MTG1: variants seen among roughly 807,000 people sequenced by gnomAD.
The protein encoded by MTG1 is mitochondrial ribosome associated GTPase 1.
MTG1 carries 30 observed loss-of-function variants against 39.5 expected under a neutral mutation model. The ratio of observed to expected loss-of-function variants is 0.76; its 90% CI spans 0.57 to 1.03. MTG1 has a LOEUF of 1.03. Among genes scored for constraint, MTG1 ranks in the 50% least tolerant of loss-of-function variants. MTG1 has a pLI of 0.00. For synonymous variants in MTG1, 217 were observed against 179.0 expected, an observed-to-expected ratio of 1.21 and a Z score of -1.69; for missense variants, 513 against 447.4, an observed-to-expected ratio of 1.15 and a Z score of -1.32.
At position 133,408,035 on chromosome 10, in the gene MTG1, C is replaced by T. The variant is rs552305197; in HGVS notation, c.752+5262C>T. Among the ~76,000 whole-genome samples, 30 of 152,292 alleles carry T rather than the reference C, an allele frequency of 2.0e-4. No individual in the cohort carries two copies. The South Asian group carries it at 6.0e-3, about 30-fold the overall frequency. ...GAATAAGGATAATTTTGACTTCTTC[C>T]TCTCCAATTTGGGTGACTGTTATTT... On this transcript the variant is annotated intron_variant, in intron 9 of 10. Transcript: ENST00000317502.
intron 3 of MTG1, 121 bp from the exon 4 acceptor site, chr10:133,398,314 C>T (rs536931989): frequency 1.9e-4 from 164 of 870,836 alleles, no homozygotes; most frequent in Non-Finnish European, 2.6e-4. Context: ...GCATGAGAAT[C>T]GCTTGAACCA....
intron 6 of MTG1, 47 bp downstream of exon 6, chr10:133,399,666 G>A (rs1849843540): frequency 1.3e-6 from 2 of 1,582,890 alleles, no homozygotes; most frequent in Non-Finnish European, 8.7e-7. Flanking sequence ...ACTGGCGCGT[G>A]TGGCTGATGT....
chr10:133,401,454 C>G (rs947303737), intron 6 of MTG1, 75 bp from the exon 7 acceptor site: 10 of 1,306,650 alleles, frequency 7.7e-6, no homozygotes, highest in Non-Finnish European at 1.1e-5. Context: ...GTGTTTGTTA[C>G]ATACGTCTCC....
chr10:133,395,600 T>C, intron 1 of MTG1, 113 bp from the exon 2 acceptor site: 1 of 947,126 alleles, frequency 1.1e-6, no homozygotes. Context: ...TTCCCTCAGA[T>C]ATAGTCTTTT....
intron 9 of MTG1, among the ~76,000 whole-genome samples, chr10:133,410,778 A>C (rs1024445570): frequency 6.6e-6 from 1 of 152,244 alleles, no homozygotes; most frequent in African/African-American, 2.4e-5. Context: ...CTCTTAAAAA[A>C]CAATCATTTT....
intron 9 of MTG1, among the ~76,000 whole-genome samples, chr10:133,414,929 C>T (rs965895041): frequency 1.2e-4 from 19 of 152,216 alleles, no homozygotes; most frequent in African/African-American, 4.1e-4. Context: ...CTCGGGAGGC[C>T]GAGGCTGGCG....
intron 4 of MTG1, 152 bp from the exon 5 acceptor site, chr10:133,399,018 T>C: frequency 1.2e-6 from 1 of 817,168 alleles, no homozygotes; most frequent in South Asian, 1.6e-5. Context: ...AAATGTTGGG[T>C]AGAATTCCAG....
At chr10:133,413,794 A>G (rs1370182704) in intron 9 of MTG1, among the ~76,000 whole-genome samples, 1 of 152,178 alleles carries the variant, frequency 6.6e-6, no homozygotes, top group Non-Finnish European at 1.5e-5. Flanking sequence ...TATAACCTCC[A>G]GATATACTTT....
chr10:133,399,177 C>T lies in MTG1; in HGVS notation c.371C>T (p.Pro124Leu), dbSNP rs138851534. 77 of 1,614,096 alleles carry T rather than the reference C, an allele frequency of 4.8e-5. No individual in the cohort carries two copies. The African/African-American group carries it at 7.3e-4, about 15-fold the overall frequency. ...AGTGGGTGTTTGTTGCAGATCATCCCGATGGTCACTGAACTGATTGGGAGA... is the reference window on the plus strand; with the variant it reads ...AGTGGGTGTTTGTTGCAGATCATCCTGATGGTCACTGAACTGATTGGGAGA... Reference protein sequence around the residue: ...VKDENVKQIIPMVTELIGRSH... With the variant: ...VKDENVKQIILMVTELIGRSH... Residue 124 changes from proline (P) to leucine (L), a missense_variant, in exon 5 of 11, where the codon CCG (proline) becomes CTG (leucine). Pro to Leu is a moderately conservative substitution (Grantham distance 98, BLOSUM62 -3). Coordinates refer to ENST00000317502, the MANE Select transcript of MTG1 (RefSeq NM_138384.4).
rs1184379173 is a variant in MTG1, at chr10:133,402,620, G to A, written c.671-72G>A. On this transcript the variant is annotated intron_variant, in intron 8 of 10. Transcript: ENST00000317502. The surrounding 1 kb of genome is among the most constrained non-coding windows in gnomAD (Gnocchi z 4.7). ...GGTGTCTTTGGGCTAGGACTGGAAG[G>A]GATGTGTTTGAACTTGGCAGGAACA... is the stretch of plus-strand genomic sequence containing the variant. The A allele has an allele frequency of 1.6e-5, 21 of 1,344,516 alleles. No individual in the cohort carries two copies. The highest frequency in any genetic ancestry group is 1.9e-5 in the Non-Finnish European group (18 of 963,772). The allele number at this position is 1,344,516 out of a possible 1,614,324, so 83.3% of individuals were successfully genotyped here.
intron 1 of MTG1, chr10:133,394,771 G>A: frequency 3.1e-6 from 3 of 980,800 alleles, no homozygotes; most frequent in Non-Finnish European, 3.6e-6. Context: ...ATCTTGAGTC[G>A]TTCTCCTGCT....
chr10:133,404,129 CTTTTTT>C (rs57165977), intron 9 of MTG1, among the ~76,000 whole-genome samples: 2 of 91,172 alleles, frequency 2.2e-5, no homozygotes, highest in South Asian at 4.5e-4. Context: ...AAGTTTTAAT[CTTTTTT>C]TTTTTTTTTT....
At chr10:133,410,411 G>C (rs1013161112) in intron 9 of MTG1, among the ~76,000 whole-genome samples, 1 of 151,984 alleles carries the variant, frequency 6.6e-6, no homozygotes, top group Non-Finnish European at 1.5e-5. Context: ...ATATTATTAT[G>C]GATAAAGACT....
intron 9 of MTG1, among the ~76,000 whole-genome samples, chr10:133,417,113 G>A (rs1332026211): frequency 2.6e-5 from 4 of 151,740 alleles, no homozygotes; most frequent in South Asian, 4.2e-4. Flanking sequence ...GTGTGAGATG[G>A]TATCTCATTG....
intron 2 of MTG1, 62 bp downstream of exon 2, chr10:133,395,839 C>T (rs902023357): frequency 1.4e-5 from 21 of 1,531,292 alleles, no homozygotes; most frequent in South Asian, 2.3e-5. Context: ...ATTAGAATTA[C>T]CTGGGGAGGC....
At chr10:133,399,347 C>A in intron 5 of MTG1, 121 bp downstream of exon 5, 1 of 1,287,724 alleles carries the variant, frequency 7.8e-7, no homozygotes, top group Non-Finnish European at 1.1e-6. Flanking sequence ...CTCCTTTGTC[C>A]TCTCATTCTC....
intron 9 of MTG1, among the ~76,000 whole-genome samples, chr10:133,414,606 G>A (rs1312884181): frequency 4.6e-5 from 7 of 151,950 alleles, no homozygotes; most frequent in Non-Finnish European, 8.8e-5. Context: ...TCCTAGATGG[G>A]ATGGCGGCCG....
At chr10:133,405,957 G>T (rs1314775801) in intron 9 of MTG1, among the ~76,000 whole-genome samples, 1 of 152,188 alleles carries the variant, frequency 6.6e-6, no homozygotes, top group African/African-American at 2.4e-5. Flanking sequence ...CACCAACAGT[G>T]TACGACAGCT....
intron 4 of MTG1, among the ~76,000 whole-genome samples, chr10:133,398,863 T>G (rs1396473186): frequency 6.6e-6 from 1 of 152,072 alleles, no homozygotes; most frequent in East Asian, 1.9e-4. Flanking sequence ...GCCCTGCTTG[T>G]TTTTGATGGG....
Sources: allele counts gnomAD v4.1 joint callset (sites outside exome capture counted in the v4.1 genomes callset), GRCh38; gene constraint gnomAD v4.1.1; non-coding constraint Gnocchi (gnomAD v3.1); transcripts MANE v1.5; gene names NCBI Gene and HGNC (gene_info 2026-07-23, HGNC 2026-07-21).